The following ZRANB3 variants were observed in gnomAD, a reference collection of about 807,000 sequenced individuals.
ZRANB3 encodes the protein DNA annealing helicase and endonuclease ZRANB3.
Under a neutral mutation model 133.8 loss-of-function variants are expected in ZRANB3, and 125 were observed. The ratio of observed to expected loss-of-function variants is 0.93; its 90% CI spans 0.81 to 1.08. The LOEUF (loss-of-function observed/expected upper bound fraction) is 1.08. ZRANB3 is among the 50% of genes least tolerant of loss of function. The pLI, the probability that ZRANB3 is intolerant of heterozygous loss-of-function variation, is 0.00. For synonymous variants in ZRANB3, 387 were observed against 432.7 expected, an observed-to-expected ratio of 0.89 and a Z score of 1.31; for missense variants, 1,229 against 1,275.5, an observed-to-expected ratio of 0.96 and a Z score of 0.56.
At chr2:135,316,983 A>AAAAAATAT (rs35114507) in intron 6 of ZRANB3, among the ~76,000 whole-genome samples, 3 of 131,472 alleles carry the variant, frequency 2.3e-5, no homozygotes, top group African/African-American at 9.7e-5. Context: ...AAAAAAAAAA[A>AAAAAATAT]ATATATATAT....
At chr2:135,340,109 T>C (rs538960225) in intron 6 of ZRANB3, among the ~76,000 whole-genome samples, 3 of 151,018 alleles carry the variant, frequency 2.0e-5, no homozygotes, top group Admixed American at 6.6e-5. Flanking sequence ...CTTTTCTTTT[T>C]TTTTTTTTTT....
Position 135,239,955 on chromosome 2 carries a change from C to A in ZRANB3, c.1540-9028G>T, listed in dbSNP as rs539943729. 2.6e-5 allele frequency among the ~76,000 whole-genome samples: 4 copies of A among 151,410 alleles called. No homozygotes were observed. The South Asian group carries it at 8.3e-4, about 32-fold the overall frequency. ...CCAAGACCACACCACTGCACTCCAGCCTGGGCAATGGAGCAAGACTCCATG... is the reference window on the plus strand; with the variant it reads ...CCAAGACCACACCACTGCACTCCAGACTGGGCAATGGAGCAAGACTCCATG... On this transcript the variant is annotated intron_variant, in intron 12 of 20. Transcript: ENST00000264159.
intron 12 of ZRANB3, among the ~76,000 whole-genome samples, chr2:135,235,275 T>C (rs1695235265): frequency 6.6e-6 from 1 of 152,150 alleles, no homozygotes; most frequent in Non-Finnish European, 1.5e-5. Flanking sequence ...TAACAGGCTC[T>C]GAAATTGAGG....
At chr2:135,369,118 A>C (rs1476189205) in intron 3 of ZRANB3, among the ~76,000 whole-genome samples, 1 of 152,076 alleles carries the variant, frequency 6.6e-6, no homozygotes, top group Non-Finnish European at 1.5e-5. Flanking sequence ...TCAGTAGTTG[A>C]TAACTTTGAG....
At chr2:135,515,848 C>A (rs570201233) in intron 1 of ZRANB3, among the ~76,000 whole-genome samples, 2 of 152,106 alleles carry the variant, frequency 1.3e-5, no homozygotes, top group Non-Finnish European at 2.9e-5. Context: ...TTAATTTTGT[C>A]TCATTAATCT....
At chr2:135,460,410 C>T (rs72986437) in intron 2 of ZRANB3, among the ~76,000 whole-genome samples, 27,697 of 151,674 alleles carry the variant, frequency 0.18, 3,324 homozygotes, top group South Asian at 0.33. Context: ...TACAGGTGCC[C>T]GCCACCACGC....
At chr2:135,459,771 TG>T (rs1226534449) in intron 2 of ZRANB3, among the ~76,000 whole-genome samples, 1 of 152,174 alleles carries the variant, frequency 6.6e-6, no homozygotes, top group African/African-American at 2.4e-5. Context: ...CATAAATTTC[TG>T]GGGTACCAAC....
At chr2:135,355,232 T>C (rs1166431761) in intron 3 of ZRANB3, 2 of 985,282 alleles carry the variant, frequency 2.0e-6, no homozygotes, top group Non-Finnish European at 2.4e-6. Flanking sequence ...TACACATTCG[T>C]TGGATAATAA....
chr2:135,451,920 C>T (rs1424935256), intron 2 of ZRANB3, among the ~76,000 whole-genome samples: 3 of 152,030 alleles, frequency 2.0e-5, no homozygotes, highest in Non-Finnish European at 4.4e-5. Context: ...ACAGATAAGA[C>T]ATTGTAGAAG....
chr2:135,211,516 G>A (rs564572353), intron 17 of ZRANB3, among the ~76,000 whole-genome samples: 2 of 152,272 alleles, frequency 1.3e-5, no homozygotes, highest in Admixed American at 6.5e-5. Flanking sequence ...ACTGCAACCT[G>A]AGCAACAGAT....
chr2:135,474,209 A>G (rs1691402100), intron 2 of ZRANB3, among the ~76,000 whole-genome samples: 1 of 152,076 alleles, frequency 6.6e-6, no homozygotes, highest in South Asian at 2.1e-4. Context: ...ACAAACTGAC[A>G]AAAAACCAAA....
At chr2:135,301,078 G>T (rs906910615) in intron 8 of ZRANB3, among the ~76,000 whole-genome samples, 5 of 151,952 alleles carry the variant, frequency 3.3e-5, no homozygotes, top group Admixed American at 2.6e-4. Context: ...TGGCACGATC[G>T]TGGCTCACTG....
chr2:135,268,711 G>C (rs956727168), intron 11 of ZRANB3, among the ~76,000 whole-genome samples: 4 of 152,096 alleles, frequency 2.6e-5, no homozygotes, highest in Non-Finnish European at 4.4e-5. Context: ...CCCCATCATT[G>C]TACCTCTAAA....
chr2:135,287,526 C>T (rs1166569759), intron 8 of ZRANB3, among the ~76,000 whole-genome samples: 2 of 152,086 alleles, frequency 1.3e-5, no homozygotes, highest in Non-Finnish European at 2.9e-5. Flanking sequence ...TGGTTATTTT[C>T]ACAATATTGA....
intron 8 of ZRANB3, among the ~76,000 whole-genome samples, chr2:135,292,007 T>C (rs1681768738): frequency 1.3e-5 from 2 of 152,236 alleles, no homozygotes; most frequent in South Asian, 2.1e-4. Flanking sequence ...GTTGGACATT[T>C]GGGTTGGTTC....
chr2:135,249,000 G>A (rs1412970933), intron 12 of ZRANB3, among the ~76,000 whole-genome samples: 1 of 152,138 alleles, frequency 6.6e-6, no homozygotes, highest in Non-Finnish European at 1.5e-5. Flanking sequence ...ATGAAGAAAA[G>A]TTCAATATTA....
chr2:135,520,706 T>C (rs1242777299), intron 1 of ZRANB3, among the ~76,000 whole-genome samples: 1 of 152,102 alleles, frequency 6.6e-6, no homozygotes, highest in African/African-American at 2.4e-5. Context: ...TGTCTCAGCC[T>C]CCCGAGGAGC....
chr2:135,241,946 G>A (rs1398452841), intron 12 of ZRANB3, among the ~76,000 whole-genome samples: 1 of 152,124 alleles, frequency 6.6e-6, no homozygotes, highest in African/African-American at 2.4e-5. Flanking sequence ...TTGGGAAGGT[G>A]AGGTGGGCGA....
At position 135,395,552 on chromosome 2, in the gene ZRANB3, C is replaced by T. The variant is rs534835070; in HGVS notation, c.162-4732G>A. Among the ~76,000 whole-genome samples the T allele has an allele frequency of 8.6e-5, 13 of 151,412 alleles. 1 individual carries two copies. In the South Asian group the frequency reaches 1.5e-3, roughly 17 times the overall value. The stretch of plus-strand genomic sequence containing the variant: ...GGCTCACTACAACCTCTGCCTCCCA[C>T]GTTCAAGCGATTCTCATGCCTCAGC... On this transcript the variant is annotated intron_variant, in intron 2 of 20. Coordinates refer to ENST00000264159, the MANE Select transcript of ZRANB3 (RefSeq NM_032143.4).
Sources: gnomAD v4.1 joint callset for allele counts (sites outside exome capture counted in the v4.1 genomes callset) on GRCh38, gnomAD v4.1.1 for gene constraint, MANE v1.5 for transcripts, NCBI Gene and HGNC (gene_info 2026-07-23, HGNC 2026-07-21) for gene names.